Variants in COL17A1 observed in about 807,000 individuals in gnomAD.
COL17A1 encodes the protein collagen type XVII alpha 1 chain.
COL17A1 carries 181 observed loss-of-function variants against 218.4 expected under a neutral mutation model. That is an observed-to-expected ratio of 0.83 (90% CI 0.73 to 0.94). The LOEUF is 0.94. COL17A1 is among the 40% of genes least tolerant of loss of function. The pLI, the probability that COL17A1 is intolerant of heterozygous loss-of-function variation, is 0.00. For synonymous variants in COL17A1, 721 were observed against 731.0 expected (o/e 0.99, Z 0.22); for missense variants, 1,924 against 1,945.9 (o/e 0.99, Z 0.21).
Position 104,080,098 on chromosome 10 carries a change from AT to A in COL17A1, c.52+523del, listed in dbSNP as rs969040141. 1.6e-4 allele frequency among the ~76,000 whole-genome samples: 24 copies of A among 150,196 alleles called. 1 individual carries two copies. The highest frequency in any genetic ancestry group is 2.1e-4 in the South Asian group (1 of 4,766). ...AAACTTTCAAGTCTATGGAGCCAGAATTTTTTTTTTATTGGAGATATATGAA... is the reference window on the plus strand; with the variant it reads ...AAACTTTCAAGTCTATGGAGCCAGAATTTTTTTTTATTGGAGATATATGAA... On this transcript the variant is annotated intron_variant, in intron 2 of 55. Coordinates refer to ENST00000648076, the MANE Select transcript of COL17A1 (RefSeq NM_000494.4).
At chr10:104,075,328 C>T (rs1317557577) in intron 5 of COL17A1, among the ~76,000 whole-genome samples, 1 of 152,166 alleles carries the variant, frequency 6.6e-6, no homozygotes, top group Non-Finnish European at 1.5e-5. Context: ...GATGAATTAG[C>T]TGGATTCATC....
rs2086354968 is a variant in COL17A1 at position 104,041,093 on chromosome 10, G to A, written c.2673C>T (p.Gly891=). ...AGTTGGACAGGAACGATCCTGGTGGGCCTGGTGGGCCTGGCAAACCCTCCC... is the reference window on the plus strand; with the variant it reads ...AGTTGGACAGGAACGATCCTGGTGGACCTGGTGGGCCTGGCAAACCCTCCC... ...PPGEGLPGPP[G]PPGSFLSNSE... Residue 891 remains glycine, a synonymous_variant, in exon 39 of 56, where the codon GGC becomes GGT. Transcript: ENST00000648076. 1 of 1,614,078 alleles carries A rather than the reference G, an allele frequency of 6.2e-7. No homozygotes were observed. Among genetic ancestry groups the A allele is most frequent in the Admixed American group, 1.7e-5 (1 of 60,030 alleles).
At chr10:104,083,734 T>G (rs1167532248) in intron 1 of COL17A1, among the ~76,000 whole-genome samples, 1 of 152,254 alleles carries the variant, frequency 6.6e-6, no homozygotes, top group African/African-American at 2.4e-5. Flanking sequence ...CATTTGGGTT[T>G]AAACCATCAC....
rs777502825 is a variant in COL17A1, at chr10:104,038,465, G to A, written c.3011C>T (p.Pro1004Leu). 1.8e-5 allele frequency: 29 copies of A among 1,613,880 alleles called. No individual in the cohort carries two copies. Among genetic ancestry groups the A allele is most frequent in the South Asian group, 4.4e-5 (4 of 91,076 alleles). Residue 1004 changes from proline (P) to leucine (L), a missense_variant, in exon 45 of 56, where the codon CCG (proline) becomes CTG (leucine). Transcript: ENST00000648076. ...PPGPPGPPGP[P>L]GSISSSGQEI... Reference sequence around the variant, plus strand: ...CTGGCCAGAGCTGCTGATAGAGCCCGGAGGCCCAGGGGGCCCAGGGGGCCC... The same window carrying A: ...CTGGCCAGAGCTGCTGATAGAGCCCAGAGGCCCAGGGGGCCCAGGGGGCCC...
intron 45 of COL17A1, 124 bp downstream of exon 45, chr10:104,038,263 CACACACACACACACACACT>C (rs2086322246): frequency 1.1e-6 from 1 of 926,604 alleles, no homozygotes; most frequent in African/African-American, 1.6e-5. Context: ...CACACACACA[CACACACACACACACACACT>C]CCCACTGCCC....
intron 6 of COL17A1, 65 bp downstream of exon 6, chr10:104,074,119 C>T (rs112231818): frequency 6.2e-7 from 1 of 1,612,694 alleles, no homozygotes; most frequent in Non-Finnish European, 8.5e-7. Flanking sequence ...ACCACTTCAT[C>T]TCCCCCAGGG....
chr10:104,053,505 G>A (rs2086490631), intron 22 of COL17A1, among the ~76,000 whole-genome samples: 1 of 152,020 alleles, frequency 6.6e-6, no homozygotes, highest in Non-Finnish European at 1.5e-5. Flanking sequence ...CCTGGGGCCT[G>A]AGCCTTGGCC....
Position 104,055,014 on chromosome 10 carries a change from C to T in COL17A1, c.1718-7G>A. 2 of 1,614,074 alleles carry T rather than the reference C, an allele frequency of 1.2e-6. No homozygotes were observed. Among genetic ancestry groups the T allele is most frequent in the Non-Finnish European group, 1.7e-6 (2 of 1,180,014 alleles). ...CCTGGACTTCCCATGTCACCTGAAA[C>T]CAGAAAGATATGAAAACTGTGAGAT... is the stretch of plus-strand genomic sequence containing the variant. On this transcript the variant is annotated splice_region_variant and splice_polypyrimidine_tract_variant and intron_variant, in intron 19 of 55. Coordinates refer to ENST00000648076, the MANE Select transcript of COL17A1 (RefSeq NM_000494.4).
rs1564681164 is a variant in COL17A1, at chr10:104,060,362, G to GGAC, written c.980-83_980-82insGTC. The GGAC allele has an allele frequency of 1.9e-6, 3 of 1,572,446 alleles. No individual in the cohort carries two copies. The East Asian group carries it at 6.8e-5, about 36-fold the overall frequency. On this transcript the variant is annotated intron_variant, in intron 13 of 55. Transcript: ENST00000648076. ...GGAGAAAAGACAAGAAGAGGAAGGA[G>GGAC]AAGAAAGAGAAGGAGGAGGGAGGTA...
At chr10:104,047,285 T>C (rs1393652797) in intron 31 of COL17A1, among the ~76,000 whole-genome samples, 1 of 151,854 alleles carries the variant, frequency 6.6e-6, no homozygotes, top group South Asian at 2.1e-4. Flanking sequence ...AATGGCTTCC[T>C]CCTCGGCCTC....
At chr10:104,077,594 C>T (rs1376791148) in intron 3 of COL17A1, 68 bp from the exon 4 acceptor site, 4 of 1,340,070 alleles carry the variant, frequency 3.0e-6, no homozygotes, top group Non-Finnish European at 4.2e-6. Flanking sequence ...TGGTCCCCCA[C>T]CCTGTGGAAG....
At chr10:104,034,825 C>T in intron 50 of COL17A1, 58 bp from the exon 51 acceptor site, 1 of 1,591,704 alleles carries the variant, frequency 6.3e-7, no homozygotes, top group Non-Finnish European at 8.5e-7. Flanking sequence ...AGCTGAATTC[C>T]CAGCCTGTGC....
At position 104,032,743 on chromosome 10, in the gene COL17A1, G is replaced by A. The variant is rs998921102; in HGVS notation, c.4369C>T (p.Pro1457Ser). The A allele has an allele frequency of 3.1e-6, 5 of 1,614,054 alleles. No homozygotes were observed. In the African/African-American group the frequency reaches 4.0e-5, roughly 13 times the overall value. ...GTPGPKGDRGPAGPPGHPGPP... is the reference protein window; with the variant it reads ...GTPGPKGDRGSAGPPGHPGPP... ...CCAGGATGACCTGGTGGCCCAGCAG[G>A]GCCCCTGTCACCTGGAAGGAAAAAT... The change falls in exon 55 of 56, where the codon CCT becomes TCT. Residue 1457 changes from proline to serine, a missense_variant. Transcript: ENST00000648076.
intron 50 of COL17A1, 22 bp downstream of exon 50, chr10:104,035,241 A>G: frequency 8.8e-6 from 14 of 1,599,548 alleles, no homozygotes; most frequent in Non-Finnish European, 1.2e-5. Context: ...TGCCCTCCCC[A>G]TCCCACTCCA....
At chr10:104,074,816 A>G (rs980628153) in intron 5 of COL17A1, among the ~76,000 whole-genome samples, 3 of 152,194 alleles carry the variant, frequency 2.0e-5, no homozygotes, top group Admixed American at 6.5e-5. Context: ...ATCATTCACT[A>G]GAGTGTCTGG....
At chr10:104,050,016 T>A in intron 28 of COL17A1, 73 bp downstream of exon 28, 1 of 1,611,136 alleles carries the variant, frequency 6.2e-7, no homozygotes, top group Admixed American at 1.7e-5. Context: ...CTTCTGGATT[T>A]TTTCCAACCT....
intron 24 of COL17A1, 151 bp from the exon 25 acceptor site, chr10:104,051,667 G>C: frequency 1.1e-6 from 1 of 923,546 alleles, no homozygotes; most frequent in Non-Finnish European, 1.7e-6. Context: ...CCCAGTGCAT[G>C]TCCTCCTTAG....
intron 33 of COL17A1, among the ~76,000 whole-genome samples, chr10:104,045,480 C>T (rs1234241803): frequency 6.6e-6 from 1 of 152,092 alleles, no homozygotes; most frequent in African/African-American, 2.4e-5. Context: ...AGGGCAGTGC[C>T]CTTCTAGAAC....
intron 45 of COL17A1, 101 bp downstream of exon 45, chr10:104,038,305 T>A (rs1053107482): frequency 1.2e-5 from 18 of 1,510,248 alleles, no homozygotes; most frequent in African/African-American, 9.7e-5. Flanking sequence ...CATCGTCCCA[T>A]GTCTCTTAGC....
Sources: gnomAD v4.1 joint callset for allele counts (sites outside exome capture counted in the v4.1 genomes callset) on GRCh38, gnomAD v4.1.1 for gene constraint, MANE v1.5 for transcripts, NCBI Gene and HGNC (gene_info 2026-07-23, HGNC 2026-07-21) for gene names.